The following MGAT4C variants were observed in gnomAD, a reference collection of about 807,000 sequenced individuals.
The protein encoded by MGAT4C is alpha-1,3-mannosyl-glycoprotein 4-beta-N-acetylglucosaminyltransferase C.
Under a neutral mutation model 40.1 loss-of-function variants are expected in MGAT4C, and 19 were observed. The observed-to-expected ratio is 0.47, with a 90% CI of 0.33 to 0.70. The LOEUF (loss-of-function observed/expected upper bound fraction) is 0.70. Among genes scored for constraint, MGAT4C ranks in the 30% least tolerant of loss-of-function variants. The pLI is 0.02. For missense variants in MGAT4C, 491 were observed against 563.2 expected, an observed-to-expected ratio of 0.87 and a Z score of 1.30; for synonymous variants, 181 against 187.1, an observed-to-expected ratio of 0.97 and a Z score of 0.27.
At chr12:86,389,309 T>C (rs1956121162) in intron 3 of MGAT4C, among the ~76,000 whole-genome samples, 1 of 152,184 alleles carries the variant, frequency 6.6e-6, no homozygotes, top group Non-Finnish European at 1.5e-5. Context: ...GGTTTTCTGT[T>C]CCTGTGCTGT....
chr12:86,688,082 A>G (rs571926682), intron 2 of MGAT4C, among the ~76,000 whole-genome samples: 112 of 146,540 alleles, frequency 7.6e-4, no homozygotes, highest in African/African-American at 2.6e-3. Context: ...CTTTACCACT[A>G]TGTAATGCTC....
intron 1 of MGAT4C, among the ~76,000 whole-genome samples, chr12:86,777,059 G>T (rs912006704): frequency 6.6e-6 from 1 of 151,994 alleles, no homozygotes; most frequent in Non-Finnish European, 1.5e-5. Context: ...ATCTAATTTG[G>T]CAAGACTAAT....
chr12:86,337,381 G>C (rs893027070), intron 3 of MGAT4C, among the ~76,000 whole-genome samples: 1 of 152,014 alleles, frequency 6.6e-6, no homozygotes. Flanking sequence ...TGGATCGCTT[G>C]AGCCTAGGAG....
intron 3 of MGAT4C, among the ~76,000 whole-genome samples, chr12:86,390,226 G>A (rs1956139052): frequency 6.6e-6 from 1 of 152,120 alleles, no homozygotes; most frequent in Admixed American, 6.5e-5. Flanking sequence ...AGACTTTGAG[G>A]TGGTTTGTAA....
chr12:86,328,530 T>C (rs76487063), intron 4 of MGAT4C, among the ~76,000 whole-genome samples: 1,712 of 151,916 alleles, frequency 0.011, 19 homozygotes, highest in East Asian at 0.045. Flanking sequence ...ACAGCAACAA[T>C]AGAAAATAAA....
intron 2 of MGAT4C, among the ~76,000 whole-genome samples, chr12:86,720,873 A>G (rs912300274): frequency 6.6e-6 from 1 of 152,190 alleles, no homozygotes; most frequent in African/African-American, 2.4e-5. Flanking sequence ...TCAAAGATAC[A>G]TGGTGGTTGA....
intron 3 of MGAT4C, among the ~76,000 whole-genome samples, chr12:86,416,369 T>C (rs1592817546): frequency 6.6e-6 from 1 of 152,054 alleles, no homozygotes; most frequent in Non-Finnish European, 1.5e-5. Flanking sequence ...TTATATTAAA[T>C]TGGTAAAGGA....
chr12:86,698,281 A>G (rs1950295394), intron 2 of MGAT4C, among the ~76,000 whole-genome samples: 1 of 152,140 alleles, frequency 6.6e-6, no homozygotes, highest in African/African-American at 2.4e-5. Flanking sequence ...AATGACCAAT[A>G]TACAAGTAAA....
At chr12:86,409,096 C>T (rs1235699979) in intron 3 of MGAT4C, among the ~76,000 whole-genome samples, 7 of 152,216 alleles carry the variant, frequency 4.6e-5, no homozygotes, top group Non-Finnish European at 1.0e-4. Flanking sequence ...TACTTTATTA[C>T]ACTTCTCTGT....
intron 4 of MGAT4C, among the ~76,000 whole-genome samples, chr12:86,310,420 C>T (rs1179774079): frequency 2.6e-5 from 4 of 152,136 alleles, no homozygotes; most frequent in African/African-American, 9.6e-5. Flanking sequence ...GGAAGAGGGC[C>T]GGTGGTAGGC....
intron 1 of MGAT4C, among the ~76,000 whole-genome samples, chr12:86,097,362 C>T (rs1188187958): frequency 1.3e-5 from 2 of 151,600 alleles, no homozygotes; most frequent in Non-Finnish European, 1.5e-5. Context: ...AGAAAGGCAC[C>T]ACATTGACTT....
Position 86,801,999 on chromosome 12 carries a change from C to A in MGAT4C, c.-262+36667G>T, listed in dbSNP as rs544087325. Among the ~76,000 whole-genome samples, 14 of 151,934 alleles carry A rather than the reference C, an allele frequency of 9.2e-5. No individual in the cohort carries two copies. In the East Asian group the frequency reaches 2.5e-3, roughly 27 times the overall value. Reference sequence around the variant, plus strand: ...CTAACTACAATTGTTTTCCTCATTTCTTTGCATTCCTAAATGCTGTCAGCC... The same window carrying A: ...CTAACTACAATTGTTTTCCTCATTTATTTGCATTCCTAAATGCTGTCAGCC... On this transcript the variant is annotated intron_variant, in intron 1 of 7. Coordinates refer to the MGAT4C transcript ENST00000548651.
intron 1 of MGAT4C, among the ~76,000 whole-genome samples, chr12:86,779,495 G>C (rs1003691821): frequency 6.6e-6 from 1 of 151,672 alleles, no homozygotes; most frequent in Non-Finnish European, 1.5e-5. Context: ...CCAGATACTG[G>C]GGAAGTGGAG....
chr12:86,837,214 G>A (rs1953055049), intron 1 of MGAT4C, among the ~76,000 whole-genome samples: 1 of 152,030 alleles, frequency 6.6e-6, no homozygotes, highest in African/African-American at 2.4e-5. Context: ...AATCCGTAGG[G>A]AAATTTTAAT....
chr12:86,040,972 G>A (rs1055344128), intron 2 of MGAT4C, among the ~76,000 whole-genome samples: 16 of 152,148 alleles, frequency 1.1e-4, no homozygotes, highest in African/African-American at 3.9e-4. Context: ...GTGAGGCGAC[G>A]CCCCACCCTG....
intron 4 of MGAT4C, among the ~76,000 whole-genome samples, chr12:86,283,869 T>C (rs1953281713): frequency 6.6e-6 from 1 of 152,144 alleles, no homozygotes; most frequent in Non-Finnish European, 1.5e-5. Flanking sequence ...TATATCGCTA[T>C]ATGGAATTCA....
At chr12:86,398,659 ATC>A (rs935486113) in intron 3 of MGAT4C, among the ~76,000 whole-genome samples, 4 of 151,860 alleles carry the variant, frequency 2.6e-5, no homozygotes, top group African/African-American at 7.2e-5. Context: ...AGGAAACAGA[ATC>A]TCTCTCTCTG....
At chr12:86,410,330 A>G (rs1434868835) in intron 3 of MGAT4C, among the ~76,000 whole-genome samples, 9 of 152,062 alleles carry the variant, frequency 5.9e-5, no homozygotes, top group Non-Finnish European at 1.0e-4. Flanking sequence ...ACACTCCCAG[A>G]GCGGCCATTT....
chr12:86,310,978 A>G (rs917337536), intron 4 of MGAT4C, among the ~76,000 whole-genome samples: 13 of 152,188 alleles, frequency 8.5e-5, no homozygotes, highest in Non-Finnish European at 1.8e-4. Context: ...ATAAAATGAT[A>G]TCCTAACTTT....
Sources: gnomAD v4.1 joint callset for allele counts (sites outside exome capture counted in the v4.1 genomes callset) on GRCh38, gnomAD v4.1.1 for gene constraint, MANE v1.5 for transcripts, NCBI Gene and HGNC (gene_info 2026-07-23, HGNC 2026-07-21) for gene names.